GRHL2: variants seen among roughly 807,000 people sequenced by gnomAD.
GRHL2 encodes grainyhead-like protein 2 homolog.
GRHL2 carries 21 observed loss-of-function variants against 83.8 expected under a neutral mutation model. That is an observed-to-expected ratio of 0.25 (90% CI 0.18 to 0.36). GRHL2 has a LOEUF of 0.36. Ranked by LOEUF, GRHL2 falls within the 10% of genes least tolerant of loss-of-function variation. The pLI, the probability that GRHL2 is intolerant of heterozygous loss-of-function variation, is 1.00. For missense variants in GRHL2, 623 were observed against 781.8 expected (o/e 0.80, Z 2.42); for synonymous variants, 280 against 278.9 (o/e 1.00, Z -0.04).
At chr8:101,619,966 C>T in intron 9 of GRHL2, among the ~76,000 whole-genome samples, 1 of 148,518 alleles carries the variant, frequency 6.7e-6, no homozygotes, top group East Asian at 2.0e-4. Context: ...GCTGCTATAA[C>T]AAAAAACCAT....
intron 4 of GRHL2, among the ~76,000 whole-genome samples, chr8:101,568,120 G>A (rs1256665110): frequency 6.6e-6 from 1 of 152,130 alleles, no homozygotes. Context: ...TCCAATGTTA[G>A]TCACTAGCCA....
At position 101,543,237 on chromosome 8, in the gene GRHL2, A is replaced by G. The variant is rs200212977; in HGVS notation, c.21-4A>G. ...TGAACCTCACATTTCTCTTGTTTTT[A>G]CAGTAATAAAAGACTAGTGGCCTTA... is the stretch of plus-strand genomic sequence containing the variant. On this transcript the variant is annotated splice_polypyrimidine_tract_variant and splice_region_variant and intron_variant, in intron 1 of 15. Coordinates refer to ENST00000646743, the MANE Select transcript of GRHL2 (RefSeq NM_024915.4). 4 of 1,612,568 alleles carry G rather than the reference A, an allele frequency of 2.5e-6. No individual in the cohort carries two copies. The highest frequency in any genetic ancestry group is 1.3e-5 in the African/African-American group (1 of 74,888).
At chr8:101,506,629 G>T (rs1386876981) in intron 1 of GRHL2, among the ~76,000 whole-genome samples, 1 of 152,016 alleles carries the variant, frequency 6.6e-6, no homozygotes, top group Non-Finnish European at 1.5e-5. Flanking sequence ...TATATGTAAA[G>T]GTTTTTATCT....
chr8:101,632,379 G>A lies in GRHL2; in HGVS notation c.1485+14G>A. 6.2e-7 allele frequency: 1 copy of A among 1,613,768 alleles called. No homozygotes were observed. Among genetic ancestry groups the A allele is most frequent in the Admixed American group, 1.7e-5 (1 of 59,998 alleles). On this transcript the variant is annotated intron_variant, in intron 11 of 15. Coordinates refer to ENST00000646743, the MANE Select transcript of GRHL2 (RefSeq NM_024915.4). ...AGGACCGGACAGGTATGACCTACCA[G>A]CTAACGCCCACCTCCCATCCATCCA...
chr8:101,547,105 G>A (rs73279146), intron 2 of GRHL2, among the ~76,000 whole-genome samples: 2,348 of 152,294 alleles, frequency 0.015, 53 homozygotes, highest in African/African-American at 0.053. Context: ...TCATTTTGAA[G>A]CCCTTTTCAG....
In GRHL2 at chr8:101,573,652, T is replaced by C. The variant is rs1427055433; in HGVS notation, c.735-16T>C. 1.2e-6 allele frequency: 2 copies of C among 1,614,130 alleles called. No individual in the cohort carries two copies. Among genetic ancestry groups the C allele is most frequent in the Non-Finnish European group, 8.5e-7 (1 of 1,180,014 alleles). ...CCAAGTGAGTGGATCTGACCGCTGT[T>C]TGTTTTCTTTCACAGTGGCACATTT... On this transcript the variant is annotated splice_polypyrimidine_tract_variant and intron_variant, in intron 5 of 15. Transcript: ENST00000646743.
Position 101,576,360 on chromosome 8 carries a change from GTGCA to G in GRHL2, c.892-1047_892-1044del, listed in dbSNP as rs547871075. ...CTTCCAAGTAGCTGGGACTTCAGACGTGCACCACCATGCCTGGCTTTTTATTTTA... is the reference window on the plus strand; with the variant it reads ...CTTCCAAGTAGCTGGGACTTCAGACGCCACCATGCCTGGCTTTTTATTTTA... On this transcript the variant is annotated intron_variant, in intron 6 of 15. Transcript: ENST00000646743. Among the ~76,000 whole-genome samples, 980 of 152,160 alleles carry G rather than the reference GTGCA, an allele frequency of 6.4e-3. 11 individuals carry two copies. The highest frequency in any genetic ancestry group is 0.022 in the African/African-American group (924 of 41,502).
Position 101,550,158 on chromosome 8 carries a change from T to G in GRHL2, c.217-2557T>G, listed in dbSNP as rs559454866. Reference sequence around the variant, plus strand: ...TTTTTTTAATTATTATACTTTAAGTTCTGGGATACATATGCAGGTCTTTTT... The same window carrying G: ...TTTTTTTAATTATTATACTTTAAGTGCTGGGATACATATGCAGGTCTTTTT... On this transcript the variant is annotated intron_variant, in intron 2 of 15. Transcript: ENST00000646743. Among the ~76,000 whole-genome samples, 16 of 135,054 alleles carry G rather than the reference T, an allele frequency of 1.2e-4. No homozygotes were observed. The East Asian group carries it at 3.3e-3, about 27-fold the overall frequency. 88.6% of individuals were successfully genotyped at this position (135,054 alleles called of 152,430 possible).
chr8:101,676,330 C>G, the GRHL2 span, among the ~76,000 whole-genome samples: 9 of 150,164 alleles, frequency 6.0e-5, no homozygotes, highest in Admixed American at 6.7e-5. Flanking sequence ...GGGCTAATAT[C>G]CAGAATCTAC....
intron 14 of GRHL2, among the ~76,000 whole-genome samples, chr8:101,651,856 G>C (rs189183406): frequency 1.3e-5 from 2 of 152,134 alleles, no homozygotes; most frequent in African/African-American, 4.8e-5. Context: ...AAAAGAAAAG[G>C]TTTCATTGAA....
chr8:101,530,174 T>C (rs911183047), intron 1 of GRHL2, among the ~76,000 whole-genome samples: 1 of 152,228 alleles, frequency 6.6e-6, no homozygotes, highest in Non-Finnish European at 1.5e-5. Context: ...TAACCCCTCC[T>C]GCACCAAAGG....
intron 7 of GRHL2, among the ~76,000 whole-genome samples, chr8:101,584,133 A>T (rs1812116525): frequency 6.6e-6 from 1 of 152,230 alleles, no homozygotes; most frequent in Non-Finnish European, 1.5e-5. Flanking sequence ...CTCTGTCTTC[A>T]ATGTTGGTTC....
At chr8:101,679,623 T>A in the GRHL2 span, among the ~76,000 whole-genome samples, 1 of 151,152 alleles carries the variant, frequency 6.6e-6, no homozygotes, top group African/African-American at 2.4e-5. Context: ...CACATAATTG[T>A]CAGATTCACC....
intron 7 of GRHL2, among the ~76,000 whole-genome samples, chr8:101,583,671 G>A (rs1812103495): frequency 6.6e-6 from 1 of 152,074 alleles, no homozygotes; most frequent in African/African-American, 2.4e-5. Flanking sequence ...TATTTAAAAT[G>A]GATCACAAAT....
chr8:101,503,776 T>C (rs11995292), intron 1 of GRHL2, among the ~76,000 whole-genome samples: 5,267 of 152,248 alleles, frequency 0.035, 118 homozygotes, highest in Middle Eastern at 0.058. Flanking sequence ...AAATCCTTAA[T>C]GATAAGAGAA....
rs748541350 is a variant in GRHL2 at position 101,558,435 on chromosome 8, A to G, written c.301A>G (p.Ser101Gly). The G allele has an allele frequency of 1.2e-6, 2 of 1,614,204 alleles. No individual in the cohort carries two copies. The highest frequency in any genetic ancestry group is 1.7e-5 in the Admixed American group (1 of 60,026). The change falls in exon 4 of 16, where the codon AGT becomes GGT. Residue 101 changes from serine to glycine, a missense_variant. This residue lies in a region of GRHL2 where 239 missense variants were observed against 240.5 expected (regional missense o/e 0.99). Coordinates refer to ENST00000646743, the MANE Select transcript of GRHL2 (RefSeq NM_024915.4). ...DQEKRNCLGT[S>G]EAQSNLSGGE... ...AACACACAGAAACTGCCTTGGCACCAGTGAAGCCCAGAGTAATTTGAGTGG... is the reference window on the plus strand; with the variant it reads ...AACACACAGAAACTGCCTTGGCACCGGTGAAGCCCAGAGTAATTTGAGTGG...
intron 1 of GRHL2, among the ~76,000 whole-genome samples, chr8:101,501,985 A>G (rs533968): frequency 0.067 from 10,096 of 151,708 alleles, 383 homozygotes; most frequent in Middle Eastern, 0.14. Context: ...TTCTGATACC[A>G]TTACTGGGGA....
intron 12 of GRHL2, among the ~76,000 whole-genome samples, chr8:101,639,000 C>T (rs540346815): frequency 6.6e-6 from 1 of 152,284 alleles, no homozygotes; most frequent in East Asian, 1.9e-4. Flanking sequence ...AAGATTCCAT[C>T]CAACACTAAC....
intron 8 of GRHL2, among the ~76,000 whole-genome samples, chr8:101,607,546 AAATT>A (rs1362190596): frequency 2.0e-5 from 3 of 152,216 alleles, no homozygotes; most frequent in Admixed American, 1.3e-4. Context: ...TTTTTTGCCT[AAATT>A]AATGTATTGG....
Sources: allele counts gnomAD v4.1 joint callset (sites outside exome capture counted in the v4.1 genomes callset), GRCh38; gene constraint gnomAD v4.1.1; regional missense constraint gnomAD v4.1.1; transcripts MANE v1.5; gene names NCBI Gene and HGNC (gene_info 2026-07-23, HGNC 2026-07-21).